The following CKMT1A variants were observed in gnomAD, a reference collection of about 807,000 sequenced individuals.
The protein encoded by CKMT1A is creatine kinase, mitochondrial 1A.
In CKMT1A, 23 loss-of-function variants were observed where a neutral mutation model predicts 21.8. That is an observed-to-expected ratio of 1.05 (90% CI 0.76 to 1.49). The LOEUF (loss-of-function observed/expected upper bound fraction) is 1.49, where lower values mean the gene tolerates loss of function less well. Among genes scored for constraint, CKMT1A ranks in the 40% most tolerant of loss-of-function variants. The probability of loss-of-function intolerance (pLI) is 0.00; values close to 1 mark genes in which losing one functional copy is unlikely to be tolerated. For missense variants in CKMT1A, 154 were observed against 229.4 expected (o/e 0.67, Z 2.12); for synonymous variants, 67 against 80.4 (o/e 0.83, Z 0.89).
intron 6 of CKMT1A, chr15:43,697,747 C>A: frequency 1.0e-6 from 1 of 984,812 alleles, no homozygotes; most frequent in South Asian, 4.7e-5. Flanking sequence ...CCTAGATCAT[C>A]CTTAATACAC....
Position 43,698,838 on chromosome 15 carries a change from C to A in CKMT1A, c.1137+72C>A. 3 of 1,606,496 alleles carry A rather than the reference C, an allele frequency of 1.9e-6. No homozygotes were observed. The Middle Eastern group carries it at 5.0e-4, about 266-fold the overall frequency. On this transcript the variant is annotated intron_variant, in intron 8 of 8. Transcript: ENST00000413453. ...GGCTGAAATATGGCAGTGAGTGAGC[C>A]TCCGGGATGTAACATAATCTGAAAT...
chr15:43,696,655 T>A lies in CKMT1A; in HGVS notation c.876+292T>A. 3 of 487,070 alleles carry A rather than the reference T, an allele frequency of 6.2e-6. No homozygotes were observed. In the East Asian group the frequency reaches 1.1e-4, roughly 17 times the overall value. The allele number at this position is 487,070 out of a possible 1,614,324, so 30.2% of individuals were successfully genotyped here. A position where few individuals can be genotyped will look rare whatever the true frequency, so the allele number is the denominator to read the frequency against. The stretch of plus-strand genomic sequence containing the variant: ...AGATGGCACGTCAGTGCCTGGGATG[T>A]GTGCAGTGGGATGGTGAGGTGTGCA... On this transcript the variant is annotated intron_variant, in intron 6 of 8. Transcript: ENST00000413453.
intron 6 of CKMT1A, chr15:43,696,887 A>G (rs2086455488): frequency 1.0e-5 from 3 of 299,950 alleles, no homozygotes; most frequent in Non-Finnish European, 2.0e-5. Flanking sequence ...GAGTTCTAGA[A>G]TATGTGGCTC....
At position 43,699,130 on chromosome 15, in the gene CKMT1A, CT is replaced by C. The variant is rs2086503320; in HGVS notation, c.*42del. 2.5e-6 allele frequency: 4 copies of C among 1,613,140 alleles called. No homozygotes were observed. The African/African-American group carries it at 5.4e-5, about 22-fold the overall frequency. On this transcript the variant is annotated 3_prime_UTR_variant, in exon 9 of 9. Coordinates refer to ENST00000413453, the MANE Select transcript of CKMT1A (RefSeq NM_001321926.2). The stretch of plus-strand genomic sequence containing the variant: ...TGATGACTCAAGATTCCAAGGAGTT[CT>C]GCTCATTCTAATGATGGCCCATTCT...
At chr15:43,698,255 G>A (rs1029239961) in intron 7 of CKMT1A, 107 bp downstream of exon 7, 1 of 1,552,574 alleles carries the variant, frequency 6.4e-7, no homozygotes, top group African/African-American at 1.4e-5. Context: ...GTGGCTAAAG[G>A]GTCAGAGGAC....
intron 6 of CKMT1A, 37 bp from the exon 7 acceptor site, chr15:43,697,976 TC>T (rs757731981): frequency 6.2e-7 from 1 of 1,613,376 alleles, no homozygotes; most frequent in Non-Finnish European, 8.5e-7. Flanking sequence ...TAATGAAATA[TC>T]CCTGATTTTT....
In CKMT1A at chr15:43,698,052, G is replaced by C; in HGVS notation, c.915G>C (p.Met305Ile). Residue 305 changes from methionine (M) to isoleucine (I), a missense_variant, in exon 7 of 9, where the codon ATG becomes ATC. By Grantham distance (10) the Met-to-Ile change is conservative. Coordinates refer to ENST00000413453, the MANE Select transcript of CKMT1A (RefSeq NM_001321926.2). ...TCCAAGAACGTGGCTGGGAGTTCAT[G>C]TGGAATGAGCGTTTGGGATACATCT... ...RLIQERGWEF[M>I]WNERLGYILT... 1 of 1,613,586 alleles carries C rather than the reference G, an allele frequency of 6.2e-7. No individual in the cohort carries two copies. The highest frequency in any genetic ancestry group is 8.5e-7 in the Non-Finnish European group (1 of 1,179,774).
intron 8 of CKMT1A, 82 bp downstream of exon 8, chr15:43,698,848 TAA>T: frequency 6.2e-7 from 1 of 1,604,930 alleles, no homozygotes; most frequent in Non-Finnish European, 8.5e-7. Flanking sequence ...CTCCGGGATG[TAA>T]CATAATCTGA....
At position 43,698,332 on chromosome 15, in the gene CKMT1A, G is replaced by C. The variant is rs762636091; in HGVS notation, c.1011+184G>C. On this transcript the variant is annotated intron_variant, in intron 7 of 8. Coordinates refer to ENST00000413453, the MANE Select transcript of CKMT1A (RefSeq NM_001321926.2). ...GGAGGCCAAGGCAGGCAGATCATTTGAGCCCAGGAGTTCAAGACCAGCCTG... is the reference window on the plus strand; with the variant it reads ...GGAGGCCAAGGCAGGCAGATCATTTCAGCCCAGGAGTTCAAGACCAGCCTG... 2.6e-4 allele frequency among the ~76,000 whole-genome samples: 40 copies of C among 151,758 alleles called. 2 individuals are homozygous for C. Among genetic ancestry groups the C allele is most frequent in the Non-Finnish European group, 5.4e-4 (37 of 67,936 alleles).
intron 6 of CKMT1A, chr15:43,697,262 T>C (rs756380552): frequency 2.4e-6 from 3 of 1,233,034 alleles, no homozygotes; most frequent in South Asian, 3.0e-5. Context: ...TTAATAAGTG[T>C]TAAAGTGTTA....
At position 43,698,119 on chromosome 15, in the gene CKMT1A, G is replaced by A; in HGVS notation, c.982G>A (p.Val328Met). Residue 328 changes from valine (V) to methionine (M), a missense_variant, in exon 7 of 9, where the codon GTG becomes ATG. Coordinates refer to ENST00000413453, the MANE Select transcript of CKMT1A (RefSeq NM_001321926.2). ...SNLGTGLRAG[V>M]HIKLPLLSKD... ...CCTGGGCACTGGACTTCGGGCAGGA[G>A]TGCACATCAAACTGCCCCTGCTAAG... 2.5e-6 allele frequency: 4 copies of A among 1,612,478 alleles called. No homozygotes were observed. Among genetic ancestry groups the A allele is most frequent in the Non-Finnish European group, 3.4e-6 (4 of 1,178,790 alleles).
intron 6 of CKMT1A, 40 bp downstream of exon 6, chr15:43,696,403 T>C (rs779713521): frequency 6.2e-7 from 1 of 1,610,186 alleles, no homozygotes; most frequent in Admixed American, 1.7e-5. Context: ...TGGGAGGACA[T>C]AAGGAAAACC....
chr15:43,699,095 C>T lies in CKMT1A; in HGVS notation c.*6C>T. 6.2e-7 allele frequency: 1 copy of T among 1,613,492 alleles called. No homozygotes were observed. The highest frequency in any genetic ancestry group is 8.5e-7 in the Non-Finnish European group (1 of 1,179,878). On this transcript the variant is annotated 3_prime_UTR_variant, in exon 9 of 9. Coordinates refer to ENST00000413453, the MANE Select transcript of CKMT1A (RefSeq NM_001321926.2). The stretch of plus-strand genomic sequence containing the variant: ...TCATCCACACCAAGCATTAACTCCC[C>T]ATCGCCAGCTGATGACTCAAGATTC...
chr15:43,696,238 A>G lies in CKMT1A; in HGVS notation c.753-2A>G. 1 of 1,571,770 alleles carries G rather than the reference A, an allele frequency of 6.4e-7. No individual in the cohort carries two copies. Among genetic ancestry groups the G allele is most frequent in the Non-Finnish European group, 8.6e-7 (1 of 1,156,260 alleles). ...TGATCACTGTCCCTCTCCGGCCCTCAGGCACAACAATGAGAAGAGCTTCCT... is the reference window on the plus strand; with the variant it reads ...TGATCACTGTCCCTCTCCGGCCCTCGGGCACAACAATGAGAAGAGCTTCCT... On this transcript the variant is annotated splice_acceptor_variant, in intron 5 of 8. Coordinates refer to ENST00000413453, the MANE Select transcript of CKMT1A (RefSeq NM_001321926.2). LOFTEE classifies it high-confidence loss of function.
intron 6 of CKMT1A, 55 bp from the exon 7 acceptor site, chr15:43,697,959 C>T: frequency 1.2e-6 from 2 of 1,611,588 alleles, no homozygotes; most frequent in Admixed American, 3.3e-5. Context: ...AAGGGAGGGT[C>T]CAGGGTTAAT....
chr15:43,697,019 C>A, intron 6 of CKMT1A: 1 of 295,578 alleles, frequency 3.4e-6, no homozygotes, highest in South Asian at 3.3e-5. Context: ...ACATACAGTT[C>A]TATTTTAGGT....
At chr15:43,698,569 T>A in intron 7 of CKMT1A, 72 bp from the exon 8 acceptor site, 1 of 1,528,048 alleles carries the variant, frequency 6.5e-7, no homozygotes, top group Non-Finnish European at 8.8e-7. Context: ...TCTGAGCAGG[T>A]TCAGGGCTCT....
At chr15:43,698,206 G>A (rs2086479372) in intron 7 of CKMT1A, 58 bp downstream of exon 7, 15 of 1,603,816 alleles carry the variant, frequency 9.4e-6, no homozygotes, top group Admixed American at 1.7e-5. Flanking sequence ...GTTGTGGATG[G>A]GGAGGGAGTG....
At chr15:43,698,471 G>A (rs2086484920) in intron 7 of CKMT1A, among the ~76,000 whole-genome samples, 170 bp from the exon 8 acceptor site, 1 of 146,928 alleles carries the variant, frequency 6.8e-6, no homozygotes, top group East Asian at 2.0e-4. Context: ...AGTGAGCTGT[G>A]ATCACTCCAG....
Sources: allele counts gnomAD v4.1 joint callset (sites outside exome capture counted in the v4.1 genomes callset), GRCh38; gene constraint gnomAD v4.1.1; transcripts MANE v1.5; gene names NCBI Gene and HGNC (gene_info 2026-07-23, HGNC 2026-07-21).